MMP16: variants seen among roughly 807,000 people sequenced by gnomAD.
The protein encoded by MMP16 is matrix metallopeptidase 16.
A neutral mutation model predicts 67.8 loss-of-function variants in MMP16; 12 were observed. The ratio of observed to expected loss-of-function variants is 0.18; its 90% CI spans 0.11 to 0.29. MMP16 has a LOEUF of 0.29. Among genes scored for constraint, MMP16 ranks in the 10% least tolerant of loss-of-function variants. The pLI, the probability that MMP16 is intolerant of heterozygous loss-of-function variation, is 1.00. For synonymous variants in MMP16, 249 were observed against 255.9 expected, an observed-to-expected ratio of 0.97 and a Z score of 0.26; for missense variants, 475 against 765.7, an observed-to-expected ratio of 0.62 and a Z score of 4.48.
At chr8:88,095,544 A>C (rs1256424035) in intron 6 of MMP16, among the ~76,000 whole-genome samples, 1 of 151,888 alleles carries the variant, frequency 6.6e-6, no homozygotes, top group Non-Finnish European at 1.5e-5. Context: ...TACCTATTAG[A>C]AAATTCACAA....
At chr8:88,074,462 T>A (rs1808611312) in intron 7 of MMP16, 143 bp downstream of exon 7, 1 of 665,396 alleles carries the variant, frequency 1.5e-6, no homozygotes, top group East Asian at 3.3e-5. Context: ...GAAAATTATC[T>A]TCATTTATAT....
chr8:88,221,904 T>A (rs992275457), intron 1 of MMP16, among the ~76,000 whole-genome samples: 4 of 152,070 alleles, frequency 2.6e-5, no homozygotes, highest in Non-Finnish European at 1.5e-5. Context: ...TAAATACAAA[T>A]CAGTTCATGA....
intron 4 of MMP16, among the ~76,000 whole-genome samples, chr8:88,134,946 A>T (rs1272192632): frequency 1.3e-5 from 2 of 151,736 alleles, no homozygotes; most frequent in African/African-American, 4.8e-5. Flanking sequence ...GAATATTAAC[A>T]GAATTTTCCC....
intron 1 of MMP16, among the ~76,000 whole-genome samples, chr8:88,305,008 T>G (rs1441054606): frequency 6.6e-6 from 1 of 152,106 alleles, no homozygotes; most frequent in Non-Finnish European, 1.5e-5. Flanking sequence ...AATGAAAGGC[T>G]GGATAAAGAG....
At chr8:88,248,363 G>A (rs1422593235) in intron 1 of MMP16, among the ~76,000 whole-genome samples, 1 of 152,048 alleles carries the variant, frequency 6.6e-6, no homozygotes, top group Non-Finnish European at 1.5e-5. Flanking sequence ...ATTGACTAAA[G>A]AGCAAATGAT....
At chr8:88,170,701 G>T (rs946037931) in intron 3 of MMP16, among the ~76,000 whole-genome samples, 20 of 152,144 alleles carry the variant, frequency 1.3e-4, no homozygotes, top group Admixed American at 1.3e-3. Flanking sequence ...TGATAAACAG[G>T]AGTTCAATGG....
At chr8:88,172,600 C>G (rs1413944289) in intron 3 of MMP16, among the ~76,000 whole-genome samples, 1 of 152,110 alleles carries the variant, frequency 6.6e-6, no homozygotes, top group East Asian at 1.9e-4. Flanking sequence ...AAGACACTGA[C>G]TTAAAATGAG....
chr8:88,039,329 A>T lies in MMP16; in HGVS notation c.*2132T>A, dbSNP rs376739174. 24 of 152,598 alleles carry T rather than the reference A, an allele frequency of 1.6e-4. No homozygotes were observed. The East Asian group carries it at 3.9e-3, about 25-fold the overall frequency. 9.5% of individuals were successfully genotyped at this position (152,598 alleles called of 1,614,324 possible). ...TTATATTAAAATGAAATTAAAATTC[A>T]CTTCTACCTATAGGGCATTTTCAGA... On this transcript the variant is annotated 3_prime_UTR_variant, in exon 10 of 10. Transcript: ENST00000286614. This position sits in a 1 kb window ranked among gnomAD's most constrained non-coding sequence, Gnocchi z 4.5.
chr8:88,160,624 C>A (rs1808603177), intron 4 of MMP16, among the ~76,000 whole-genome samples: 1 of 151,934 alleles, frequency 6.6e-6, no homozygotes, highest in Non-Finnish European at 1.5e-5. Flanking sequence ...ATTAAAAAGT[C>A]AGGAAACAAC....
intron 1 of MMP16, among the ~76,000 whole-genome samples, chr8:88,247,974 G>A (rs1810146223): frequency 6.6e-6 from 1 of 152,008 alleles, no homozygotes. Context: ...CCCAGACCAA[G>A]TGAATTTGAA....
At chr8:88,240,120 T>G (rs560400469) in intron 1 of MMP16, among the ~76,000 whole-genome samples, 1 of 152,264 alleles carries the variant, frequency 6.6e-6, no homozygotes. Context: ...CAATGCCCAT[T>G]GTACAATGTT....
At chr8:88,106,771 T>C (rs1242869562) in intron 6 of MMP16, among the ~76,000 whole-genome samples, 1 of 151,364 alleles carries the variant, frequency 6.6e-6, no homozygotes, top group Non-Finnish European at 1.5e-5. Flanking sequence ...CTTCATGTAA[T>C]TTTTCAACTG....
rs140929260 is a variant in MMP16 at position 88,302,936 on chromosome 8, C to T, written c.132+24139G>A. ...GATCCAAAGGAACTCCCACCCCCAGCCAAGAGAAGCGGTGAGTGATTGTAT... is the reference window on the plus strand; with the variant it reads ...GATCCAAAGGAACTCCCACCCCCAGTCAAGAGAAGCGGTGAGTGATTGTAT... On this transcript the variant is annotated intron_variant, in intron 1 of 9. Transcript: ENST00000286614. Among the ~76,000 whole-genome samples, 1,203 of 152,302 alleles carry T rather than the reference C, an allele frequency of 7.9e-3. 23 individuals carry two copies. The highest frequency in any genetic ancestry group is 0.075 in the South Asian group (360 of 4,826).
chr8:88,181,270 T>C (rs1464142680), intron 3 of MMP16, among the ~76,000 whole-genome samples: 1 of 152,032 alleles, frequency 6.6e-6, no homozygotes, highest in Non-Finnish European at 1.5e-5. Context: ...AGATGATATA[T>C]CCTCTATTTG....
rs398008661 is a variant in MMP16 at position 88,265,223 on chromosome 8, CTTTT to C, written c.132+61848_132+61851del. On this transcript the variant is annotated intron_variant, in intron 1 of 9. Coordinates refer to ENST00000286614, the MANE Select transcript of MMP16 (RefSeq NM_005941.5). ...AACTAAGGGTAGAAATGACCATTTC[CTTTT>C]TTTTTTTTTTTTTTTTCAGATACAG... 2.0e-5 allele frequency among the ~76,000 whole-genome samples: 2 copies of C among 100,760 alleles called. 1 individual carries two copies. Among genetic ancestry groups the C allele is most frequent in the Non-Finnish European group, 3.7e-5 (2 of 54,128 alleles). The allele number at this position is 100,760 out of a possible 152,430, so 66.1% of individuals were successfully genotyped here.
chr8:88,077,721 C>G (rs1174024728), intron 6 of MMP16, among the ~76,000 whole-genome samples: 1 of 152,144 alleles, frequency 6.6e-6, no homozygotes. Flanking sequence ...TTAGAAGACA[C>G]TGTTTTAAAA....
rs944346092 is a variant in MMP16 at position 88,043,202 on chromosome 8, T to C, written c.1490-1407A>G. Among the ~76,000 whole-genome samples, 3 of 152,330 alleles carry C rather than the reference T, an allele frequency of 2.0e-5. No individual in the cohort carries two copies. In the East Asian group the frequency reaches 5.8e-4, roughly 29 times the overall value. ...GAGACAAAATAACATGCTCATGTTC[T>C]GGTGAACACAAGATTTAAACCTTGA... On this transcript the variant is annotated intron_variant, in intron 9 of 9. Transcript: ENST00000286614.
intron 1 of MMP16, among the ~76,000 whole-genome samples, chr8:88,300,624 A>G (rs1003237932): frequency 2.0e-5 from 3 of 152,196 alleles, no homozygotes; most frequent in Non-Finnish European, 4.4e-5. Context: ...CATATTTTAT[A>G]AGTTAAACTT....
At chr8:88,297,466 G>A (rs754587675) in intron 1 of MMP16, among the ~76,000 whole-genome samples, 25 of 152,122 alleles carry the variant, frequency 1.6e-4, no homozygotes, top group South Asian at 6.2e-4. Context: ...GCCTCTCTGC[G>A]TATGGCCCGC....
Sources: gnomAD v4.1 joint callset for allele counts (sites outside exome capture counted in the v4.1 genomes callset) on GRCh38, gnomAD v4.1.1 for gene constraint, Gnocchi (gnomAD v3.1) non-coding constraint, MANE v1.5 for transcripts, NCBI Gene and HGNC (gene_info 2026-07-23, HGNC 2026-07-21) for gene names.